ZRANB3: variants seen among roughly 807,000 people sequenced by gnomAD.
ZRANB3 encodes zinc finger RANBP2-type containing 3.
In ZRANB3, 125 loss-of-function variants were observed where a neutral mutation model predicts 133.8. The ratio of observed to expected loss-of-function variants is 0.93; its 90% CI spans 0.81 to 1.08. The LOEUF (loss-of-function observed/expected upper bound fraction) is 1.08, where lower values mean the gene tolerates loss of function less well. Ranked by LOEUF, ZRANB3 falls within the 50% of genes least tolerant of loss-of-function variation. ZRANB3 has a pLI of 0.00. For synonymous variants in ZRANB3, 387 were observed against 432.7 expected, an observed-to-expected ratio of 0.89 and a Z score of 1.31; for missense variants, 1,229 against 1,275.5, an observed-to-expected ratio of 0.96 and a Z score of 0.56.
chr2:135,369,750 T>C (rs188218730), intron 3 of ZRANB3, among the ~76,000 whole-genome samples: 568 of 152,330 alleles, frequency 3.7e-3, no homozygotes, highest in Middle Eastern at 0.014. Flanking sequence ...GAAACAGGGC[T>C]TGCAAATCAT....
At chr2:135,511,997 C>T (rs906248012) in intron 1 of ZRANB3, 9 of 664,842 alleles carry the variant, frequency 1.4e-5, no homozygotes, top group South Asian at 6.7e-5. Context: ...CAAACCTGTG[C>T]GGCTGAGCTG....
At chr2:135,493,869 A>C (rs2104809623) in intron 2 of ZRANB3, among the ~76,000 whole-genome samples, 1 of 152,342 alleles carries the variant, frequency 6.6e-6, no homozygotes, top group South Asian at 2.1e-4. Context: ...GAGCCAACCC[A>C]AATGTCCATC....
intron 12 of ZRANB3, among the ~76,000 whole-genome samples, chr2:135,242,083 G>A (rs1021853139): frequency 3.9e-5 from 6 of 152,012 alleles, no homozygotes; most frequent in South Asian, 4.2e-4. Flanking sequence ...GGAGGCTGAG[G>A]CACGAGAATC....
rs61491533 is a variant in ZRANB3, at chr2:135,234,358, C to A, written c.1540-3431G>T. ...ACAATAATAATCAGAGACTTTAACA[C>A]CCCACTGTCAACACTAGACAGATCT... On this transcript the variant is annotated intron_variant, in intron 12 of 20. Transcript: ENST00000264159. 3.2e-3 allele frequency among the ~76,000 whole-genome samples: 486 copies of A among 152,088 alleles called. 2 individuals carry two copies. The highest frequency in any genetic ancestry group is 0.01 in the African/African-American group (429 of 41,386).
At chr2:135,242,627 C>T (rs1015453283) in intron 12 of ZRANB3, among the ~76,000 whole-genome samples, 1 of 152,040 alleles carries the variant, frequency 6.6e-6, no homozygotes, top group South Asian at 2.1e-4. Context: ...TGTGTCCTTC[C>T]GTCCTGGGAA....
chr2:135,233,327 T>C (rs1695122227), intron 12 of ZRANB3, among the ~76,000 whole-genome samples: 1 of 152,210 alleles, frequency 6.6e-6, no homozygotes, highest in Non-Finnish European at 1.5e-5. Context: ...TTGGTGTACC[T>C]GAAACTGATG....
intron 8 of ZRANB3, among the ~76,000 whole-genome samples, chr2:135,292,525 A>T (rs972364534): frequency 1.3e-4 from 20 of 152,150 alleles, no homozygotes; most frequent in African/African-American, 2.6e-4. Context: ...ACTGCAAAAA[A>T]TTTCTCCCAT....
chr2:135,511,486 A>T (rs1209356890), intron 1 of ZRANB3: 1 of 872,648 alleles, frequency 1.1e-6, no homozygotes, highest in East Asian at 2.4e-5. Flanking sequence ...ACGTTCCTCT[A>T]CTACTTCTTC....
intron 2 of ZRANB3, among the ~76,000 whole-genome samples, chr2:135,494,136 GGGAAGGAAGGAA>G (rs529553987): frequency 1.9e-5 from 2 of 105,310 alleles, no homozygotes; most frequent in East Asian, 2.9e-4. Flanking sequence ...GAGGGAGAGA[GGGAAGGAAGGAA>G]GGAAGGAAGG....
At chr2:135,218,743 A>C (rs1694418385) in intron 16 of ZRANB3, among the ~76,000 whole-genome samples, 1 of 152,238 alleles carries the variant, frequency 6.6e-6, no homozygotes, top group Non-Finnish European at 1.5e-5. Context: ...CATTGTTAGA[A>C]CTTAACCTTA....
intron 8 of ZRANB3, among the ~76,000 whole-genome samples, chr2:135,302,880 TTC>T (rs1682504904): frequency 6.6e-6 from 1 of 152,152 alleles, no homozygotes; most frequent in Non-Finnish European, 1.5e-5. Context: ...CTCATATATG[TTC>T]TTTTTCCTTA....
chr2:135,283,602 C>T (rs1280738688), intron 8 of ZRANB3, among the ~76,000 whole-genome samples: 4 of 139,842 alleles, frequency 2.9e-5, no homozygotes, highest in African/African-American at 1.1e-4. Context: ...GGTGACAGAG[C>T]GAGACTCTGT....
chr2:135,386,397 G>C (rs1000299453), intron 3 of ZRANB3, among the ~76,000 whole-genome samples: 3 of 152,298 alleles, frequency 2.0e-5, no homozygotes, highest in East Asian at 3.9e-4. Flanking sequence ...GTTGGTGGGA[G>C]TGTAAACTAG....
intron 6 of ZRANB3, among the ~76,000 whole-genome samples, chr2:135,344,036 T>C (rs1388504557): frequency 1.3e-5 from 2 of 152,350 alleles, no homozygotes; most frequent in East Asian, 3.9e-4. Context: ...CTTAGATTTT[T>C]CCCCTATGCA....
intron 3 of ZRANB3, among the ~76,000 whole-genome samples, chr2:135,355,837 T>C (rs1685408224): frequency 6.6e-6 from 1 of 152,204 alleles, no homozygotes; most frequent in South Asian, 2.1e-4. Flanking sequence ...CATGGTTTCA[T>C]AACACATTTT....
chr2:135,209,313 C>T (rs1258332422), intron 17 of ZRANB3, among the ~76,000 whole-genome samples: 1 of 152,168 alleles, frequency 6.6e-6, no homozygotes, highest in Non-Finnish European at 1.5e-5. Context: ...AACTGACAGC[C>T]TTAAGGAAAC....
rs531740504 is a variant in ZRANB3 at position 135,409,375 on chromosome 2, A to C, written c.162-18555T>G. ...AATATCACTGCATAAACAGAATTAA[A>C]AACAAAAAACACATGATCATCTTCA... On this transcript the variant is annotated intron_variant, in intron 2 of 20. Coordinates refer to ENST00000264159, the MANE Select transcript of ZRANB3 (RefSeq NM_032143.4). Among the ~76,000 whole-genome samples, 15 of 152,316 alleles carry C rather than the reference A, an allele frequency of 9.8e-5. No homozygotes were observed. The East Asian group carries it at 2.3e-3, about 24-fold the overall frequency.
At chr2:135,377,391 C>T (rs559533567) in intron 3 of ZRANB3, among the ~76,000 whole-genome samples, 8 of 152,154 alleles carry the variant, frequency 5.3e-5, no homozygotes, top group South Asian at 2.1e-4. Flanking sequence ...ATTCTAGTAT[C>T]GATCTTCAGT....
chr2:135,359,546 G>A (rs1236084214), intron 3 of ZRANB3, among the ~76,000 whole-genome samples: 1 of 147,664 alleles, frequency 6.8e-6, no homozygotes, highest in Non-Finnish European at 1.5e-5. Flanking sequence ...CCACGTCACT[G>A]CACTCCAGCC....
Sources: gnomAD v4.1 joint callset for allele counts (sites outside exome capture counted in the v4.1 genomes callset) on GRCh38, gnomAD v4.1.1 for gene constraint, MANE v1.5 for transcripts, NCBI Gene and HGNC (gene_info 2026-07-23, HGNC 2026-07-21) for gene names.